The following SYN2 variants were observed in gnomAD, a reference collection of about 807,000 sequenced individuals.
SYN2 encodes synapsin II.
In SYN2, 19 loss-of-function variants were observed where a neutral mutation model predicts 50.9. That is an observed-to-expected ratio of 0.37 (90% CI 0.26 to 0.55). The LOEUF (loss-of-function observed/expected upper bound fraction) is 0.55. Ranked by LOEUF, SYN2 falls within the 20% of genes least tolerant of loss-of-function variation. The pLI is 0.81. For synonymous variants in SYN2, 255 were observed against 224.9 expected (o/e 1.13, Z -1.20); for missense variants, 587 against 576.4 (o/e 1.02, Z -0.19).
At chr3:12,100,556 G>T (rs1696050303) in intron 1 of SYN2, among the ~76,000 whole-genome samples, 1 of 152,046 alleles carries the variant, frequency 6.6e-6, no homozygotes, top group Admixed American at 6.5e-5. Flanking sequence ...AGTGACCTTG[G>T]ATTAGATAAT....
chr3:12,010,916 A>G (rs1195962686), intron 1 of SYN2, among the ~76,000 whole-genome samples: 1 of 152,186 alleles, frequency 6.6e-6, no homozygotes, highest in Non-Finnish European at 1.5e-5. Context: ...TGCTGTGTAT[A>G]TTTCCTCATC....
At chr3:12,146,886 C>A (rs1249178987) in intron 4 of SYN2, among the ~76,000 whole-genome samples, 2 of 152,152 alleles carry the variant, frequency 1.3e-5, no homozygotes, top group Non-Finnish European at 2.9e-5. Flanking sequence ...CTAATCACAT[C>A]CTCATTGGCT....
chr3:12,026,977 AT>A (rs1447913854), intron 1 of SYN2, among the ~76,000 whole-genome samples: 1 of 152,082 alleles, frequency 6.6e-6, no homozygotes. Context: ...CTTCTTCTTA[AT>A]TGTCTCAGGG....
intron 1 of SYN2, among the ~76,000 whole-genome samples, chr3:12,094,047 G>A (rs750544728): frequency 6.6e-6 from 1 of 152,024 alleles, no homozygotes; most frequent in Non-Finnish European, 1.5e-5. Context: ...GTAGAGATGG[G>A]ATTTCACATG....
At chr3:12,096,385 T>C (rs73813123) in intron 1 of SYN2, among the ~76,000 whole-genome samples, 4,649 of 152,092 alleles carry the variant, frequency 0.031, 224 homozygotes, top group African/African-American at 0.1. Context: ...GGTCAGGGGG[T>C]GGCTTAGAAG....
chr3:12,100,718 T>C (rs1210248771), intron 1 of SYN2, among the ~76,000 whole-genome samples: 1 of 152,122 alleles, frequency 6.6e-6, no homozygotes, highest in Non-Finnish European at 1.5e-5. Flanking sequence ...GCAAATCATA[T>C]ATCTGATATA....
intron 5 of SYN2, chr3:12,154,469 GGA>G (rs746180219): frequency 6.2e-7 from 1 of 1,613,564 alleles, no homozygotes; most frequent in African/African-American, 1.3e-5. Context: ...GGGAGATGGA[GGA>G]GAGTCAAGCA....
At chr3:12,110,110 G>A (rs368661301) in intron 1 of SYN2, among the ~76,000 whole-genome samples, 1 of 152,150 alleles carries the variant, frequency 6.6e-6, no homozygotes, top group East Asian at 1.9e-4. Flanking sequence ...GGTTGCTTGA[G>A]CCCAGGGTTC....
intron 12 of SYN2, among the ~76,000 whole-genome samples, chr3:12,188,407 T>TCACCAC (rs1024062826): frequency 1.3e-5 from 2 of 152,172 alleles, no homozygotes; most frequent in African/African-American, 4.8e-5. Flanking sequence ...CAGACTTCTG[T>TCACCAC]CACCACCTTC....
At chr3:12,067,134 A>G (rs79897630) in intron 1 of SYN2, among the ~76,000 whole-genome samples, 6,973 of 152,164 alleles carry the variant, frequency 0.046, 239 homozygotes, top group East Asian at 0.14. Context: ...ACAAGATGAG[A>G]TTTGCGTGGG....
At chr3:12,101,979 T>A (rs1418571406) in intron 1 of SYN2, among the ~76,000 whole-genome samples, 1 of 152,038 alleles carries the variant, frequency 6.6e-6, no homozygotes, top group East Asian at 1.9e-4. Flanking sequence ...CAAGGCAGAG[T>A]GTGATCAGAG....
chr3:12,117,097 C>G (rs17035842), intron 1 of SYN2, among the ~76,000 whole-genome samples: 12,343 of 152,168 alleles, frequency 0.081, 622 homozygotes, highest in African/African-American at 0.13. Context: ...AGGAAACAAA[C>G]GTCATTGTAG....
intron 7 of SYN2, among the ~76,000 whole-genome samples, chr3:12,166,028 G>C (rs1261789857): frequency 6.6e-6 from 1 of 152,194 alleles, no homozygotes; most frequent in African/African-American, 2.4e-5. Flanking sequence ...CTCACAACAG[G>C]GGGTTTGAAA....
chr3:12,114,932 T>C (rs925965437), intron 1 of SYN2, among the ~76,000 whole-genome samples: 4 of 152,116 alleles, frequency 2.6e-5, no homozygotes, highest in South Asian at 2.1e-4. Context: ...CCTGTAACTT[T>C]CTGTTCTGTC....
intron 5 of SYN2, among the ~76,000 whole-genome samples, chr3:12,152,067 C>T (rs1242844620): frequency 6.6e-6 from 1 of 152,138 alleles, no homozygotes; most frequent in African/African-American, 2.4e-5. Flanking sequence ...CTTAACCCAC[C>T]AATGGAGACT....
intron 3 of SYN2, among the ~76,000 whole-genome samples, chr3:12,144,204 G>GTTTT (rs1457050636): frequency 6.6e-6 from 1 of 152,208 alleles, no homozygotes; most frequent in Non-Finnish European, 1.5e-5. Flanking sequence ...TGGCTAGAGG[G>GTTTT]GAAACGCAGG....
At chr3:12,116,056 T>C (rs1696427757) in intron 1 of SYN2, among the ~76,000 whole-genome samples, 1 of 152,150 alleles carries the variant, frequency 6.6e-6, no homozygotes, top group Non-Finnish European at 1.5e-5. Flanking sequence ...GGGTTAATGA[T>C]AGCCCAGAAA....
intron 1 of SYN2, among the ~76,000 whole-genome samples, chr3:12,054,814 A>G (rs1417474014): frequency 2.0e-5 from 3 of 152,098 alleles, no homozygotes; most frequent in Admixed American, 6.5e-5. Context: ...TAAGAGATGA[A>G]TCTTCTGAGA....
At chr3:12,185,338 G>A (rs933942450) in intron 11 of SYN2, 15 of 985,608 alleles carry the variant, frequency 1.5e-5, no homozygotes, top group Non-Finnish European at 1.7e-5. Flanking sequence ...TGTACATCTG[G>A]TGCTTTTCAT....
Sources: allele counts gnomAD v4.1 joint callset (sites outside exome capture counted in the v4.1 genomes callset), GRCh38; gene constraint gnomAD v4.1.1; transcripts MANE v1.5; gene names NCBI Gene and HGNC (gene_info 2026-07-23, HGNC 2026-07-21).